The following PTPN2 variants were observed in gnomAD, a reference collection of about 807,000 sequenced individuals.
PTPN2 encodes the protein protein tyrosine phosphatase non-receptor type 2, also known as tyrosine-protein phosphatase non-receptor type 2.
PTPN2 carries 19 observed loss-of-function variants against 57.3 expected under a neutral mutation model. That is an observed-to-expected ratio of 0.33 (90% confidence interval 0.23 to 0.49). The LOEUF (loss-of-function observed/expected upper bound fraction) is 0.49, where lower values mean the gene tolerates loss of function less well. PTPN2 is among the 20% of genes least tolerant of loss of function. The pLI is 0.99. For missense variants in PTPN2, 358 were observed against 501.1 expected, an observed-to-expected ratio of 0.71 and a Z score of 2.73; for synonymous variants, 153 against 164.9, an observed-to-expected ratio of 0.93 and a Z score of 0.55.
chr18:12,811,746 T>C (rs2847290), intron 7 of PTPN2, among the ~76,000 whole-genome samples: 145,761 of 152,254 alleles, frequency 0.96, 70,106 homozygotes, highest in East Asian at 1. Context: ...CTCAGGTCAT[T>C]AATGCTGACT....
chr18:12,863,754 T>G (rs759692662), intron 1 of PTPN2: 2 of 152,162 alleles, frequency 1.3e-5, no homozygotes, highest in Non-Finnish European at 2.9e-5. Context: ...AGAACCACCG[T>G]TCTCATTTAA....
At chr18:12,860,286 A>C (rs521453) in intron 1 of PTPN2, among the ~76,000 whole-genome samples, 144,220 of 151,200 alleles carry the variant, frequency 0.95, 69,135 homozygotes, top group Non-Finnish European at 1. Context: ...GAGACTCTAT[A>C]AAAAAAAACC....
chr18:12,870,450 TATATATATATATAGAGAGAGAG>T (rs2044212336), intron 1 of PTPN2, among the ~76,000 whole-genome samples: 2 of 34,410 alleles, frequency 5.8e-5, no homozygotes, highest in Non-Finnish European at 9.6e-5. Context: ...TGTATATATA[TATATATATATATAGAGAGAGAG>T]AGAGAGAGAG....
chr18:12,831,440 T>C (rs182314642), intron 3 of PTPN2, among the ~76,000 whole-genome samples: 5 of 152,290 alleles, frequency 3.3e-5, no homozygotes, highest in Admixed American at 1.3e-4. Flanking sequence ...GGCACTGCCA[T>C]ATGAAGGTGG....
At chr18:12,792,150 C>T, downstream of PTPN2, 1 of 836,560 alleles carries the variant, frequency 1.2e-6, no homozygotes, top group Non-Finnish European at 1.4e-6. Context: ...GACACAGGCA[C>T]ATGTTATATA....
At chr18:12,827,335 TC>T (rs1490825962) in intron 4 of PTPN2, among the ~76,000 whole-genome samples, 1 of 132,298 alleles carries the variant, frequency 7.6e-6, no homozygotes, top group Non-Finnish European at 1.6e-5. Context: ...AGAGCGAGAC[TC>T]CGTCTCAAAA....
chr18:12,857,513 T>A (rs2043634882), intron 2 of PTPN2, among the ~76,000 whole-genome samples: 2 of 152,204 alleles, frequency 1.3e-5, no homozygotes, highest in Non-Finnish European at 2.9e-5. Flanking sequence ...TCTACAATTT[T>A]CAAAATCAAA....
chr18:12,827,880 A>G lies in PTPN2; in HGVS notation c.361-1936T>C, dbSNP rs565006830. On this transcript the variant is annotated intron_variant, in intron 4 of 8. Transcript: ENST00000309660. Reference sequence around the variant, plus strand: ...TAATTCAACAAATATTTCTTTAACAAAAAGTATTTAAAAAATTTTAAAAAG... The same window carrying G: ...TAATTCAACAAATATTTCTTTAACAGAAAGTATTTAAAAAATTTTAAAAAG... 3.9e-5 allele frequency among the ~76,000 whole-genome samples: 6 copies of G among 152,272 alleles called. 1 individual carries two copies. The South Asian group carries it at 1.2e-3, about 32-fold the overall frequency.
At position 12,794,030 on chromosome 18, in the gene PTPN2, AT is replaced by A; in HGVS notation, c.*247del. 1 of 1,374,242 alleles carries A rather than the reference AT, an allele frequency of 7.3e-7. No homozygotes were observed. Among genetic ancestry groups the A allele is most frequent in the Non-Finnish European group, 9.4e-7 (1 of 1,066,408 alleles). 85.1% of individuals were successfully genotyped at this position (1,374,242 alleles called of 1,614,324 possible). Reference sequence around the variant, plus strand: ...TGACATGTATGAATACAGTTGCAAAATTTACCAGTTTTTAACAAACATGAAT... The same window carrying A: ...TGACATGTATGAATACAGTTGCAAAATTACCAGTTTTTAACAAACATGAAT... On this transcript the variant is annotated 3_prime_UTR_variant, in exon 9 of 9. Coordinates refer to ENST00000309660, the MANE Select transcript of PTPN2 (RefSeq NM_002828.4).
chr18:12,805,489 A>G (rs2041612042), intron 7 of PTPN2, among the ~76,000 whole-genome samples: 1 of 151,968 alleles, frequency 6.6e-6, no homozygotes, highest in Non-Finnish European at 1.5e-5. Context: ...TACCTTCATG[A>G]TAAAAACTCT....
At chr18:12,833,548 G>T (rs980981900) in intron 3 of PTPN2, among the ~76,000 whole-genome samples, 1 of 152,188 alleles carries the variant, frequency 6.6e-6, no homozygotes, top group Non-Finnish European at 1.5e-5. Context: ...GAATGCAGAA[G>T]AATGGGAGGG....
At chr18:12,826,276 G>A (rs1056587421) in intron 4 of PTPN2, among the ~76,000 whole-genome samples, 10 of 152,120 alleles carry the variant, frequency 6.6e-5, no homozygotes, top group Non-Finnish European at 1.3e-4. Flanking sequence ...GATGGCGGGC[G>A]CCTGTAATCC....
chr18:12,801,830 A>T (rs543949042), intron 8 of PTPN2, 140 bp downstream of exon 8: 162 of 849,204 alleles, frequency 1.9e-4, no homozygotes, highest in Non-Finnish European at 2.6e-4. Context: ...TGGCCTCCCA[A>T]AGTGTTGAGA....
At chr18:12,875,804 G>A (rs1234934548) in intron 1 of PTPN2, among the ~76,000 whole-genome samples, 2 of 152,238 alleles carry the variant, frequency 1.3e-5, no homozygotes, top group Non-Finnish European at 2.9e-5. Context: ...GGACAGGTAA[G>A]AGGACAAAGA....
intron 4 of PTPN2, among the ~76,000 whole-genome samples, chr18:12,828,855 A>G (rs2042567142): frequency 6.6e-6 from 1 of 152,212 alleles, no homozygotes; most frequent in Non-Finnish European, 1.5e-5. Context: ...TCTGGGCAGC[A>G]AGAGTTTGAG....
intron 1 of PTPN2, among the ~76,000 whole-genome samples, 186 bp from the exon 2 acceptor site, chr18:12,859,440 A>G (rs954337714): frequency 6.6e-6 from 1 of 152,204 alleles, no homozygotes; most frequent in Non-Finnish European, 1.5e-5. Context: ...CTTCCCCATT[A>G]TATCTGTGAG....
In PTPN2 at chr18:12,792,279, A is replaced by C. The variant is rs2041004133; in HGVS notation, c.*1999T>G. 6 of 920,826 alleles carry C rather than the reference A, an allele frequency of 6.5e-6. No individual in the cohort carries two copies. The South Asian group carries it at 2.5e-4, about 38-fold the overall frequency. The allele number at this position is 920,826 out of a possible 1,614,324, so 57.0% of individuals were successfully genotyped here. ...ATATCTATCTATACCAATGGTTTTC[A>C]AACTTTTTTTTTTTTTTTTTTTGAG... On this transcript the variant is annotated 3_prime_UTR_variant, in exon 9 of 9. Coordinates refer to ENST00000309660, the MANE Select transcript of PTPN2 (RefSeq NM_002828.4).
intron 1 of PTPN2, chr18:12,863,971 G>T (rs2043905671): frequency 6.6e-6 from 1 of 152,140 alleles, no homozygotes; most frequent in African/African-American, 2.4e-5. Context: ...TTATAATGTT[G>T]AAAGGCTTTA....
In PTPN2 at chr18:12,860,818, A is replaced by C. The variant is rs145775810; in HGVS notation, c.70-1564T>G. 1.3e-4 allele frequency among the ~76,000 whole-genome samples: 20 copies of C among 152,296 alleles called. 1 individual carries two copies. In the East Asian group the frequency reaches 3.9e-3, roughly 29 times the overall value. On this transcript the variant is annotated intron_variant, in intron 1 of 8. Coordinates refer to ENST00000309660, the MANE Select transcript of PTPN2 (RefSeq NM_002828.4). ...ATTCTGTAAGGCTATGTCCGCACTA[A>C]GCTCTCACTACTGATGTATCCAGAA...
Sources: allele counts gnomAD v4.1 joint callset (sites outside exome capture counted in the v4.1 genomes callset), GRCh38; gene constraint gnomAD v4.1.1; transcripts MANE v1.5; gene names NCBI Gene and HGNC (gene_info 2026-07-23, HGNC 2026-07-21).